FAM210A: variants seen among roughly 807,000 people sequenced by gnomAD.
The protein encoded by FAM210A is mitochondrial inner membrane scaffold 1.
FAM210A carries 13 observed loss-of-function variants against 25.3 expected under a neutral mutation model. The ratio of observed to expected loss-of-function variants is 0.51; its 90% CI spans 0.33 to 0.82. The LOEUF is 0.82. FAM210A is among the 40% of genes least tolerant of loss of function. FAM210A has a pLI of 0.02. For synonymous variants in FAM210A, 125 were observed against 118.7 expected, an observed-to-expected ratio of 1.05 and a Z score of -0.35; for missense variants, 319 against 323.2, an observed-to-expected ratio of 0.99 and a Z score of 0.10.
chr18:13,671,260 T>G (rs1294002764), intron 3 of FAM210A, among the ~76,000 whole-genome samples: 1 of 152,162 alleles, frequency 6.6e-6, no homozygotes, highest in Non-Finnish European at 1.5e-5. Flanking sequence ...TCTTGCCTAT[T>G]AAACTCTCTG....
chr18:13,726,178 T>G (rs1453827614), intron 1 of FAM210A, among the ~76,000 whole-genome samples, 151 bp downstream of exon 1: 1 of 152,108 alleles, frequency 6.6e-6, no homozygotes, highest in Non-Finnish European at 1.5e-5. Flanking sequence ...ACGACCCGTC[T>G]GGCAGTCGTA....
chr18:13,676,889 C>T (rs2043508429), intron 2 of FAM210A, among the ~76,000 whole-genome samples: 1 of 152,086 alleles, frequency 6.6e-6, no homozygotes, highest in Admixed American at 6.6e-5. Context: ...TCCACCTCAG[C>T]ACATCACAAC....
chr18:13,682,822 T>C (rs1008146871), intron 1 of FAM210A, among the ~76,000 whole-genome samples: 2 of 152,114 alleles, frequency 1.3e-5, no homozygotes, highest in Admixed American at 6.5e-5. Flanking sequence ...TGAGTTGAGA[T>C]CATGCCACTG....
chr18:13,716,684 T>C (rs910902275), intron 1 of FAM210A, among the ~76,000 whole-genome samples: 2 of 152,106 alleles, frequency 1.3e-5, no homozygotes, highest in Non-Finnish European at 2.9e-5. Flanking sequence ...GATCTCATGA[T>C]AGGGAGTTCT....
In FAM210A at chr18:13,678,847, A is replaced by G. The variant is rs116703650; in HGVS notation, c.473+2758T>C. ...TCTGGATAAAGTGCAGTAGAAATCA[A>G]TCAGGGTTTTGCCTCACAGTGGATC... On this transcript the variant is annotated intron_variant, in intron 2 of 3. Coordinates refer to ENST00000651643, the MANE Select transcript of FAM210A (RefSeq NM_152352.4). Among the ~76,000 whole-genome samples the G allele has an allele frequency of 7.4e-3, 1,126 of 152,300 alleles. 19 individuals carry two copies. The highest frequency in any genetic ancestry group is 0.026 in the African/African-American group (1,080 of 41,556).
chr18:13,704,736 G>A (rs972081864), intron 1 of FAM210A, among the ~76,000 whole-genome samples: 7 of 152,102 alleles, frequency 4.6e-5, no homozygotes, highest in African/African-American at 1.7e-4. Context: ...TTTAGTGAAT[G>A]TTAATATATA....
chr18:13,673,039 G>T (rs1351565872), intron 2 of FAM210A, among the ~76,000 whole-genome samples: 1 of 151,554 alleles, frequency 6.6e-6, no homozygotes, highest in East Asian at 1.9e-4. Context: ...ACATTCCTGA[G>T]CCCTGGCTTA....
intron 1 of FAM210A, among the ~76,000 whole-genome samples, chr18:13,696,130 AT>A (rs1205837448): frequency 1.3e-5 from 2 of 152,224 alleles, no homozygotes; most frequent in Non-Finnish European, 2.9e-5. Flanking sequence ...TAGACTCATT[AT>A]TGTTAAGATA....
chr18:13,687,421 T>C (rs547519437), intron 1 of FAM210A, among the ~76,000 whole-genome samples: 50 of 152,296 alleles, frequency 3.3e-4, no homozygotes, highest in African/African-American at 1.0e-3. Flanking sequence ...AAAGTGTTAA[T>C]TGAATGAAGG....
intron 1 of FAM210A, among the ~76,000 whole-genome samples, chr18:13,696,327 C>G (rs187322516): frequency 1.3e-5 from 2 of 152,270 alleles, no homozygotes; most frequent in East Asian, 1.9e-4. Flanking sequence ...CATTATTAGA[C>G]TTCACCAAAA....
At chr18:13,683,597 T>G (rs1048369745) in intron 1 of FAM210A, among the ~76,000 whole-genome samples, 16 of 151,484 alleles carry the variant, frequency 1.1e-4, no homozygotes, top group African/African-American at 3.6e-4. Flanking sequence ...TTATAGAGAC[T>G]TCCAGATAAT....
intron 1 of FAM210A, among the ~76,000 whole-genome samples, chr18:13,700,838 G>A (rs1405536825): frequency 6.6e-6 from 1 of 152,192 alleles, no homozygotes; most frequent in Non-Finnish European, 1.5e-5. Context: ...CCAGTGGCCA[G>A]CCATACTTCA....
At chr18:13,725,034 C>T (rs1223442640) in intron 1 of FAM210A, among the ~76,000 whole-genome samples, 1 of 152,122 alleles carries the variant, frequency 6.6e-6, no homozygotes, top group African/African-American at 2.4e-5. Context: ...GGCCTCCCAA[C>T]GGCTGGGATT....
At chr18:13,697,761 T>C (rs1411363602) in intron 1 of FAM210A, 1 of 150,596 alleles carries the variant, frequency 6.6e-6, no homozygotes, top group African/African-American at 2.4e-5. Flanking sequence ...CCCAAAAAAC[T>C]GTACATAGAT....
At position 13,666,617 on chromosome 18, in the gene FAM210A, C is replaced by G. The variant is rs562311629; in HGVS notation, c.682G>C (p.Val228Leu). Reference sequence around the variant, plus strand: ...ATCCTGTCCTGCAGATACTCCTTGACGGGTGGCGGCGTGGACATGTAGCCA... The same window carrying G: ...ATCCTGTCCTGCAGATACTCCTTGAGGGGTGGCGGCGTGGACATGTAGCCA... ...SHGYMSTPPP[V>L]KEYLQDRMEE... is the part of the protein sequence containing the mutation. Residue 228 changes from valine (V) to leucine (L), a missense_variant, in exon 4 of 4, where the codon GTC (valine) becomes CTC (leucine). Transcript: ENST00000651643. 4.3e-6 allele frequency: 7 copies of G among 1,614,056 alleles called. No individual in the cohort carries two copies. Among genetic ancestry groups the G allele is most frequent in the Non-Finnish European group, 5.9e-6 (7 of 1,180,058 alleles).
chr18:13,679,199 G>T (rs56123212), intron 2 of FAM210A, among the ~76,000 whole-genome samples: 6,239 of 152,214 alleles, frequency 0.041, 143 homozygotes, highest in Middle Eastern at 0.065. Flanking sequence ...GACAAACACT[G>T]GTCAGTAATG....
rs1348229432 is a variant in FAM210A at position 13,666,665 on chromosome 18, T to C, written c.634A>G (p.Thr212Ala). 1.6e-5 allele frequency: 26 copies of C among 1,614,188 alleles called. No individual in the cohort carries two copies. Among genetic ancestry groups the C allele is most frequent in the Admixed American group, 3.3e-5 (2 of 60,012 alleles). ...CCATGACTGCGCAGATACTTCACAG[T>C]GACAGATGTTCCTCCCAAAGTCACG... is the stretch of plus-strand genomic sequence containing the variant. ...YTVTLGGTSV[T>A]VKYLRSHGYM... is the part of the protein sequence containing the mutation. Residue 212 changes from threonine to alanine, a missense_variant, in exon 4 of 4, where the codon ACT (threonine) becomes GCT (alanine). Coordinates refer to ENST00000651643, the MANE Select transcript of FAM210A (RefSeq NM_152352.4).
chr18:13,665,381 C>CAAAAAAAAAAAAAAAAAAAAAAAAAA lies in FAM210A; in HGVS notation c.*1073_*1098dup, dbSNP rs56656145. The CAAAAAAAAAAAAAAAAAAAAAAAAAA allele has an allele frequency of 1.0e-3, 65 of 63,704 alleles. 1 individual carries two copies. Among genetic ancestry groups the CAAAAAAAAAAAAAAAAAAAAAAAAAA allele is most frequent in the Non-Finnish European group, 1.5e-3 (47 of 31,304 alleles). 3.9% of individuals were successfully genotyped at this position (63,704 alleles called of 1,614,324 possible). On this transcript the variant is annotated 3_prime_UTR_variant, in exon 4 of 4. Transcript: ENST00000651643. ...GGAGAGAGAGAGGGAGGCTCCGTCT[C>CAAAAAAAAAAAAAAAAAAAAAAAAAA]AAAAAAAAAAAAAAAAAAAAAAAAA...
intron 1 of FAM210A, among the ~76,000 whole-genome samples, chr18:13,690,147 C>T (rs145463761): frequency 4.6e-5 from 7 of 152,316 alleles, no homozygotes; most frequent in East Asian, 1.9e-4. Context: ...CACGGAGCCT[C>T]GCTCACTGCT....
Sources: gnomAD v4.1 joint callset for allele counts (sites outside exome capture counted in the v4.1 genomes callset) on GRCh38, gnomAD v4.1.1 for gene constraint, MANE v1.5 for transcripts, NCBI Gene and HGNC (gene_info 2026-07-23, HGNC 2026-07-21) for gene names.